The following ADGRV1 variants were observed in gnomAD, a reference collection of about 807,000 sequenced individuals.
The protein encoded by ADGRV1 is G-protein coupled receptor 98.
ADGRV1 carries 359 observed loss-of-function variants against 596.2 expected under a neutral mutation model. The observed-to-expected ratio is 0.60, with a 90% CI of 0.55 to 0.66. The LOEUF (loss-of-function observed/expected upper bound fraction) is 0.66. Ranked by LOEUF, ADGRV1 falls within the 30% of genes least tolerant of loss-of-function variation. The probability of loss-of-function intolerance (pLI) is 0.00; values close to 1 mark genes in which losing one functional copy is unlikely to be tolerated. For synonymous variants in ADGRV1, 2,681 were observed against 2,679.2 expected, an observed-to-expected ratio of 1.00 and a Z score of -0.02; for missense variants, 7,274 against 7,575.6, an observed-to-expected ratio of 0.96 and a Z score of 1.48.
At chr5:90,774,429 T>G in intron 60 of ADGRV1, 126 bp downstream of exon 60, 1 of 606,258 alleles carries the variant, frequency 1.6e-6, no homozygotes, top group Admixed American at 2.8e-5. Flanking sequence ...AAAGATACCA[T>G]TTTCCACATG....
intron 83 of ADGRV1, among the ~76,000 whole-genome samples, chr5:90,953,675 G>A (rs1364763344): frequency 6.6e-6 from 1 of 151,878 alleles, no homozygotes; most frequent in Non-Finnish European, 1.5e-5. Context: ...ACAATTCAAA[G>A]TTTAAAACAT....
chr5:90,848,911 G>A (rs1766191948), intron 79 of ADGRV1, 90 bp downstream of exon 79: 1 of 896,646 alleles, frequency 1.1e-6, no homozygotes, highest in Admixed American at 3.1e-5. Context: ...ACATTTAGAT[G>A]ATGTAACTAA....
At chr5:90,777,102 G>A (rs1390301814) in intron 61 of ADGRV1, among the ~76,000 whole-genome samples, 2 of 152,164 alleles carry the variant, frequency 1.3e-5, no homozygotes, top group Non-Finnish European at 2.9e-5. Flanking sequence ...GGCTGTACAG[G>A]AAGCATGGCT....
At chr5:90,983,823 A>G (rs375155080) in intron 84 of ADGRV1, among the ~76,000 whole-genome samples, 2 of 152,214 alleles carry the variant, frequency 1.3e-5, no homozygotes, top group East Asian at 3.8e-4. Flanking sequence ...ATCTCTAAGT[A>G]ACCAAACATT....
In ADGRV1 at chr5:90,694,538, A is replaced by G. The variant is rs896005369; in HGVS notation, c.7782A>G (p.Leu2594=). ...GTCCCAATACTTCCGAAGATGGCTT[A>G]TTTGTTGAAGTTCAGGAGCAGCCCC... ...NISPNTSEDG[L]FVEVQEQPQT... is the part of the protein sequence containing the mutation. Residue 2594 remains leucine (L), a synonymous_variant, in exon 33 of 90, where the codon TTA becomes TTG. Transcript: ENST00000405460. 6.2e-7 allele frequency: 1 copy of G among 1,613,860 alleles called. No individual in the cohort carries two copies. The highest frequency in any genetic ancestry group is 8.5e-7 in the Non-Finnish European group (1 of 1,179,816).
chr5:90,875,490 A>G (rs1228228821), intron 83 of ADGRV1, among the ~76,000 whole-genome samples: 1 of 152,190 alleles, frequency 6.6e-6, no homozygotes, highest in Non-Finnish European at 1.5e-5. Context: ...GAAAGCCCAT[A>G]CTGCTCCCAC....
At chr5:90,799,198 A>G (rs146637743) in intron 70 of ADGRV1, among the ~76,000 whole-genome samples, 1 of 152,066 alleles carries the variant, frequency 6.6e-6, no homozygotes, top group Non-Finnish European at 1.5e-5. Context: ...AGCCCCAGAT[A>G]TCCTTAAGCT....
intron 83 of ADGRV1, among the ~76,000 whole-genome samples, chr5:90,873,344 C>A (rs964982284): frequency 2.0e-5 from 3 of 152,056 alleles, no homozygotes; most frequent in Non-Finnish European, 2.9e-5. Context: ...GTTGTAAGGG[C>A]GAATGTTATT....
At chr5:91,030,936 A>G (rs574572514) in intron 85 of ADGRV1, 5 of 864,468 alleles carry the variant, frequency 5.8e-6, no homozygotes, top group African/African-American at 3.5e-5. Flanking sequence ...ATCAGAGTCC[A>G]TATAGTACTG....
rs1291951230 is a variant in ADGRV1 at position 90,685,766 on chromosome 5, C to T, written c.6275-14C>T. 6.3e-7 allele frequency: 1 copy of T among 1,592,470 alleles called. No individual in the cohort carries two copies. The highest frequency in any genetic ancestry group is 2.2e-5 in the East Asian group (1 of 44,712). ...ATAGCTTTCTGTGTTCTGTGTGGAT[C>T]TTCTGTCTTTCAGTTCCAAATTCTC... is the stretch of plus-strand genomic sequence containing the variant. On this transcript the variant is annotated splice_polypyrimidine_tract_variant and intron_variant, in intron 28 of 89. Coordinates refer to ENST00000405460, the MANE Select transcript of ADGRV1 (RefSeq NM_032119.4).
chr5:90,957,516 G>C (rs1406724136), intron 83 of ADGRV1, among the ~76,000 whole-genome samples: 1 of 148,640 alleles, frequency 6.7e-6, no homozygotes, highest in African/African-American at 2.5e-5. Context: ...AAATTCTGTA[G>C]TGAGGGCTAA....
At chr5:90,654,140 T>TG in intron 20 of ADGRV1, 188 bp downstream of exon 20, 1 of 659,054 alleles carries the variant, frequency 1.5e-6, no homozygotes, top group South Asian at 2.0e-5. Flanking sequence ...GTTACAGAAA[T>TG]GAATCAGAGA....
Position 90,610,208 on chromosome 5 carries a change from T to C in ADGRV1, c.23-4627T>C, listed in dbSNP as rs1161520477. ...ATAAACAGGATTTAGAATTTATTGC[T>C]TATAATGACACGTTGTTGATGAATT... On this transcript the variant is annotated intron_variant, in intron 1 of 89. Coordinates refer to ENST00000405460, the MANE Select transcript of ADGRV1 (RefSeq NM_032119.4). Among the ~76,000 whole-genome samples the C allele has an allele frequency of 2.0e-5, 3 of 152,114 alleles. No individual in the cohort carries two copies. The East Asian group carries it at 5.8e-4, about 29-fold the overall frequency.
chr5:90,901,362 A>G (rs962092131), intron 83 of ADGRV1, among the ~76,000 whole-genome samples: 2 of 152,180 alleles, frequency 1.3e-5, no homozygotes, highest in South Asian at 2.1e-4. Flanking sequence ...GAAGTGAGAT[A>G]TGAGTATAAT....
chr5:90,690,525 C>T (rs1029173897), intron 30 of ADGRV1, among the ~76,000 whole-genome samples: 5 of 152,170 alleles, frequency 3.3e-5, no homozygotes, highest in African/African-American at 1.2e-4. Flanking sequence ...GTGCAATCAG[C>T]TTCTGTGCTC....
chr5:90,572,497 A>G (rs950296340), intron 1 of ADGRV1, among the ~76,000 whole-genome samples: 2 of 152,232 alleles, frequency 1.3e-5, no homozygotes, highest in Non-Finnish European at 2.9e-5. Context: ...CCAATGGAAC[A>G]AAATAGAAAA....
At chr5:91,035,861 T>TATATAATATATATAATATATA in intron 85 of ADGRV1, among the ~76,000 whole-genome samples, 1 of 96,402 alleles carries the variant, frequency 1.0e-5, no homozygotes, top group African/African-American at 3.8e-5. Context: ...TATATATATA[T>TATATAATATATATAATATATA]TATATATATA....
At chr5:90,778,842 A>G (rs1255272354) in intron 63 of ADGRV1, 23 bp from the exon 64 acceptor site, 3 of 1,577,050 alleles carry the variant, frequency 1.9e-6, no homozygotes, top group Non-Finnish European at 2.6e-6. Flanking sequence ...TCCAAATCAA[A>G]TAAGAAAATG....
intron 87 of ADGRV1, among the ~76,000 whole-genome samples, chr5:91,107,136 A>G (rs1297530968): frequency 6.6e-6 from 1 of 152,170 alleles, no homozygotes; most frequent in Non-Finnish European, 1.5e-5. Flanking sequence ...GATCATTTGC[A>G]TTTCTAATAA....
Sources: allele counts gnomAD v4.1 joint callset (sites outside exome capture counted in the v4.1 genomes callset), GRCh38; gene constraint gnomAD v4.1.1; transcripts MANE v1.5; gene names NCBI Gene and HGNC (gene_info 2026-07-23, HGNC 2026-07-21).